Variants in SGCZ observed in about 807,000 individuals in gnomAD.
SGCZ encodes the protein zeta-sarcoglycan.
Under a neutral mutation model 41.3 loss-of-function variants are expected in SGCZ, and 40 were observed. The ratio of observed to expected loss-of-function variants is 0.97; its 90% CI spans 0.75 to 1.26. SGCZ has a LOEUF of 1.26. SGCZ is among the 50% of genes most tolerant of loss of function. The probability of loss-of-function intolerance (pLI) is 0.00; values close to 1 mark genes in which losing one functional copy is unlikely to be tolerated. For synonymous variants in SGCZ, 206 were observed against 137.5 expected (o/e 1.50, Z -3.49); for missense variants, 552 against 369.8 (o/e 1.49, Z -4.04).
chr8:14,596,202 C>A (rs538743497), intron 1 of SGCZ, among the ~76,000 whole-genome samples: 45 of 152,176 alleles, frequency 3.0e-4, no homozygotes, highest in Non-Finnish European at 4.9e-4. Context: ...CCAGATGCAA[C>A]CCTTTATGAC....
At chr8:14,990,102 G>A (rs1026625486) in intron 1 of SGCZ, among the ~76,000 whole-genome samples, 8 of 152,098 alleles carry the variant, frequency 5.3e-5, no homozygotes, top group African/African-American at 1.9e-4. Context: ...GTCAAACGTT[G>A]CCCTGCACAC....
chr8:14,618,553 T>G (rs1199687863), intron 1 of SGCZ, among the ~76,000 whole-genome samples: 1 of 151,622 alleles, frequency 6.6e-6, no homozygotes, highest in African/African-American at 2.4e-5. Flanking sequence ...GTAACAAGAG[T>G]GGAAATAGGT....
At chr8:14,875,194 C>T (rs1804304495) in intron 1 of SGCZ, among the ~76,000 whole-genome samples, 1 of 152,158 alleles carries the variant, frequency 6.6e-6, no homozygotes, top group African/African-American at 2.4e-5. Context: ...CGTGTTGCTA[C>T]ATCATCCAGA....
chr8:14,385,163 G>C (rs1804527956), intron 2 of SGCZ, among the ~76,000 whole-genome samples: 1 of 152,088 alleles, frequency 6.6e-6, no homozygotes, highest in Non-Finnish European at 1.5e-5. Flanking sequence ...CACGATAGGG[G>C]ATTTCAAGCT....
intron 1 of SGCZ, among the ~76,000 whole-genome samples, chr8:14,607,027 A>G (rs1805772282): frequency 6.6e-6 from 1 of 152,144 alleles, no homozygotes. Context: ...GCATACTGAA[A>G]TGAGAAAATC....
chr8:15,200,694 G>C (rs888703194), intron 1 of SGCZ, among the ~76,000 whole-genome samples: 9 of 152,132 alleles, frequency 5.9e-5, no homozygotes, highest in African/African-American at 1.9e-4. Flanking sequence ...AAACATAGTA[G>C]ATCAGAAATG....
intron 1 of SGCZ, among the ~76,000 whole-genome samples, chr8:14,882,928 G>T (rs1010145628): frequency 6.6e-6 from 1 of 151,936 alleles, no homozygotes; most frequent in African/African-American, 2.4e-5. Flanking sequence ...TGGAACAAGT[G>T]CACGATAACC....
At chr8:14,358,398 A>G (rs1418015486) in intron 2 of SGCZ, among the ~76,000 whole-genome samples, 4 of 152,062 alleles carry the variant, frequency 2.6e-5, no homozygotes, top group African/African-American at 9.7e-5. Flanking sequence ...ATGTTTTTTC[A>G]TTATGTTGTC....
intron 1 of SGCZ, among the ~76,000 whole-genome samples, chr8:14,773,955 GA>G (rs1365887729): frequency 6.6e-6 from 1 of 152,184 alleles, no homozygotes; most frequent in Non-Finnish European, 1.5e-5. Context: ...AGAATAGCCA[GA>G]AGTTTTCAAA....
chr8:14,400,742 G>C (rs147963705), intron 2 of SGCZ, among the ~76,000 whole-genome samples: 2,119 of 146,632 alleles, frequency 0.014, 64 homozygotes, highest in African/African-American at 0.053. Flanking sequence ...GCAAAGCTAA[G>C]ACTTTGTAAT....
At chr8:14,245,435 A>G (rs781740922) in intron 3 of SGCZ, among the ~76,000 whole-genome samples, 38 of 152,208 alleles carry the variant, frequency 2.5e-4, no homozygotes, top group Non-Finnish European at 4.9e-4. Context: ...ACCTTAGACA[A>G]AAATTCATTC....
chr8:14,727,518 T>A (rs1368010463), intron 1 of SGCZ, among the ~76,000 whole-genome samples: 1 of 151,458 alleles, frequency 6.6e-6, no homozygotes, highest in East Asian at 1.9e-4. Flanking sequence ...AATAATGCTT[T>A]TTTTTTTTTT....
intron 2 of SGCZ, among the ~76,000 whole-genome samples, chr8:14,449,740 G>T (rs1800537577): frequency 6.6e-6 from 1 of 152,104 alleles, no homozygotes; most frequent in Non-Finnish European, 1.5e-5. Context: ...CAGTTGACCA[G>T]ATGCTAATTG....
At chr8:14,576,029 C>T (rs1369550962) in intron 1 of SGCZ, among the ~76,000 whole-genome samples, 1 of 150,980 alleles carries the variant, frequency 6.6e-6, no homozygotes, top group Non-Finnish European at 1.5e-5. Context: ...ACAAGCAATA[C>T]TGTACCAACA....
intron 1 of SGCZ, among the ~76,000 whole-genome samples, chr8:15,051,793 G>C (rs1804523947): frequency 6.6e-6 from 1 of 152,042 alleles, no homozygotes. Flanking sequence ...TATGCATGTG[G>C]GTTTGAAACC....
chr8:14,174,647 C>A (rs1289050994), intron 4 of SGCZ, among the ~76,000 whole-genome samples: 1 of 152,008 alleles, frequency 6.6e-6, no homozygotes, highest in South Asian at 2.1e-4. Flanking sequence ...AGATAAATTA[C>A]CTTCAAAGAG....
At chr8:14,490,864 G>C (rs756258755) in intron 2 of SGCZ, among the ~76,000 whole-genome samples, 1 of 152,128 alleles carries the variant, frequency 6.6e-6, no homozygotes, top group Non-Finnish European at 1.5e-5. Context: ...AGACAGAAAA[G>C]TGGAATTAGA....
At chr8:14,835,001 C>G (rs1802650231) in intron 1 of SGCZ, among the ~76,000 whole-genome samples, 1 of 152,188 alleles carries the variant, frequency 6.6e-6, no homozygotes, top group African/African-American at 2.4e-5. Context: ...TCCAATACAT[C>G]AGAGCCACCT....
chr8:14,351,911 C>A (rs1339375462), intron 2 of SGCZ, among the ~76,000 whole-genome samples: 1 of 151,998 alleles, frequency 6.6e-6, no homozygotes, highest in East Asian at 1.9e-4. Context: ...TTTATATGAA[C>A]ACGGACACTT....
Sources: gnomAD v4.1 joint callset for allele counts (sites outside exome capture counted in the v4.1 genomes callset) on GRCh38, gnomAD v4.1.1 for gene constraint, MANE v1.5 for transcripts, NCBI Gene and HGNC (gene_info 2026-07-23, HGNC 2026-07-21) for gene names.